Variants in CDH13 observed in about 807,000 individuals in gnomAD.
The protein encoded by CDH13 is cadherin 13.
A neutral mutation model predicts 63.8 loss-of-function variants in CDH13; 24 were observed. The observed-to-expected ratio is 0.38, with a 90% CI of 0.27 to 0.53. CDH13 has a LOEUF of 0.53. Among genes scored for constraint, CDH13 ranks in the 20% least tolerant of loss-of-function variants. The probability of loss-of-function intolerance (pLI) is 0.85; values close to 1 mark genes in which losing one functional copy is unlikely to be tolerated. For missense variants in CDH13, 1,049 were observed against 903.1 expected (o/e 1.16, Z -2.07); for synonymous variants, 503 against 355.3 (o/e 1.42, Z -4.67).
rs1475990085 is a variant in CDH13 at position 83,032,154 on chromosome 16, C to G, written c.302C>G (p.Pro101Arg). ...GKTLFVHART[P>R]HAEDMAELVI... ...ACTCTGTTCGTCCATGCACGGACCC[C>G]CCATGCGGAAGATATGGCAGAACTC... is the stretch of plus-strand genomic sequence containing the variant. Residue 101 changes from proline (P) to arginine (R), a missense_variant, in exon 3 of 14, where the codon CCC becomes CGC. Transcript: ENST00000567109. The G allele has an allele frequency of 6.2e-7, 1 of 1,613,704 alleles. No homozygotes were observed. The highest frequency in any genetic ancestry group is 1.1e-5 in the South Asian group (1 of 91,064).
chr16:83,249,113 C>G (rs1303089192), intron 5 of CDH13, among the ~76,000 whole-genome samples: 2 of 152,334 alleles, frequency 1.3e-5, no homozygotes, highest in Middle Eastern at 3.4e-3. Flanking sequence ...CAACTTTTCT[C>G]TGCTGGACCT....
At chr16:82,667,422 T>C (rs1319219152) in intron 1 of CDH13, among the ~76,000 whole-genome samples, 1 of 152,162 alleles carries the variant, frequency 6.6e-6, no homozygotes, top group African/African-American at 2.4e-5. Context: ...CACCAGGATG[T>C]GGTGTGGGGA....
chr16:83,181,260 C>T (rs774058152), intron 4 of CDH13, among the ~76,000 whole-genome samples: 19 of 152,158 alleles, frequency 1.2e-4, no homozygotes, highest in Admixed American at 1.1e-3. Flanking sequence ...TTAATTGCAA[C>T]GTGTCCCAAC....
intron 6 of CDH13, among the ~76,000 whole-genome samples, chr16:83,391,494 G>A (rs539899363): frequency 1.3e-5 from 2 of 152,194 alleles, no homozygotes; most frequent in East Asian, 1.9e-4. Flanking sequence ...ATGAGCCACC[G>A]TGCCAGCCAC....
At chr16:83,403,455 C>G (rs1006651836) in intron 6 of CDH13, among the ~76,000 whole-genome samples, 2 of 152,050 alleles carry the variant, frequency 1.3e-5, no homozygotes. Context: ...AACCCCATCT[C>G]TACTAAAAAC....
intron 10 of CDH13, among the ~76,000 whole-genome samples, chr16:83,698,284 C>G (rs954666799): frequency 6.6e-6 from 1 of 152,180 alleles, no homozygotes; most frequent in African/African-American, 2.4e-5. Context: ...ATAAAGAGTG[C>G]AAATGAATGC....
chr16:82,929,683 A>G lies in CDH13; in HGVS notation c.157+71210A>G, dbSNP rs1411077130. Among the ~76,000 whole-genome samples, 4 of 142,082 alleles carry G rather than the reference A, an allele frequency of 2.8e-5. No homozygotes were observed. The South Asian group carries it at 6.7e-4, about 24-fold the overall frequency. 93.2% of individuals were successfully genotyped at this position (142,082 alleles called of 152,430 possible). Reference sequence around the variant, plus strand: ...AAAAAAAAAAAAAAAAAAAAAAAAAAGAAGACAGCCGTTGATGAACCTGAA... The same window carrying G: ...AAAAAAAAAAAAAAAAAAAAAAAAAGGAAGACAGCCGTTGATGAACCTGAA... On this transcript the variant is annotated intron_variant, in intron 2 of 13. Transcript: ENST00000567109.
At chr16:83,604,961 T>G (rs1464339213) in intron 8 of CDH13, among the ~76,000 whole-genome samples, 1 of 152,202 alleles carries the variant, frequency 6.6e-6, no homozygotes, top group African/African-American at 2.4e-5. Context: ...AAGGAATAAT[T>G]TAACATGGAC....
At chr16:82,713,682 T>C (rs2032131785) in intron 1 of CDH13, among the ~76,000 whole-genome samples, 2 of 152,218 alleles carry the variant, frequency 1.3e-5, no homozygotes, top group South Asian at 2.1e-4. Flanking sequence ...AGCAAATGCA[T>C]ACCAGAAAAA....
chr16:83,616,675 A>G (rs1909310447), intron 8 of CDH13, among the ~76,000 whole-genome samples: 1 of 152,220 alleles, frequency 6.6e-6, no homozygotes, highest in African/African-American at 2.4e-5. Flanking sequence ...CAGAATGAGA[A>G]CACAGGAGTT....
intron 7 of CDH13, among the ~76,000 whole-genome samples, chr16:83,545,997 A>C (rs1402092293): frequency 1.3e-5 from 2 of 152,206 alleles, no homozygotes; most frequent in African/African-American, 2.4e-5. Flanking sequence ...AACCAATATG[A>C]AGTAAAACAT....
chr16:83,005,723 C>A (rs1318550069), intron 2 of CDH13, among the ~76,000 whole-genome samples: 1 of 152,234 alleles, frequency 6.6e-6, no homozygotes, highest in South Asian at 2.1e-4. Context: ...CTGACTCCAA[C>A]AAGAGAGCTA....
chr16:83,554,622 TG>T (rs1440624559), intron 7 of CDH13, among the ~76,000 whole-genome samples: 1 of 151,982 alleles, frequency 6.6e-6, no homozygotes, highest in African/African-American at 2.4e-5. Context: ...TAACAAAAAC[TG>T]TCACAAAAGA....
At chr16:83,444,051 TGA>T (rs2072587088) in intron 6 of CDH13, among the ~76,000 whole-genome samples, 1 of 150,326 alleles carries the variant, frequency 6.7e-6, no homozygotes, top group Non-Finnish European at 1.5e-5. Flanking sequence ...GATGATGGGC[TGA>T]TGATGACTGT....
intron 2 of CDH13, among the ~76,000 whole-genome samples, chr16:82,913,942 C>G (rs1334677202): frequency 1.3e-5 from 2 of 152,002 alleles, no homozygotes; most frequent in African/African-American, 4.8e-5. Context: ...TACTGAGAGG[C>G]AGGAGATGTA....
intron 8 of CDH13, among the ~76,000 whole-genome samples, chr16:83,647,333 T>A (rs1275314334): frequency 1.3e-5 from 2 of 148,872 alleles, no homozygotes; most frequent in South Asian, 2.1e-4. Flanking sequence ...AAAAAAAAAA[T>A]TACACTAGCA....
chr16:82,892,160 T>C (rs918218756), intron 2 of CDH13, among the ~76,000 whole-genome samples: 6 of 152,206 alleles, frequency 3.9e-5, no homozygotes, highest in African/African-American at 1.4e-4. Flanking sequence ...TTTCCTCATA[T>C]GTGAAATGAA....
chr16:82,741,866 T>A (rs1275331558), intron 1 of CDH13, among the ~76,000 whole-genome samples: 1 of 152,196 alleles, frequency 6.6e-6, no homozygotes, highest in Non-Finnish European at 1.5e-5. Flanking sequence ...TTTCAGGGAT[T>A]TTTATCATTT....
chr16:83,220,578 A>AT (rs1398342221), intron 5 of CDH13, among the ~76,000 whole-genome samples: 1 of 151,726 alleles, frequency 6.6e-6, no homozygotes, highest in Non-Finnish European at 1.5e-5. Flanking sequence ...CGTTGTGCAC[A>AT]TGTACCATAG....
Sources: gnomAD v4.1 joint callset for allele counts (sites outside exome capture counted in the v4.1 genomes callset) on GRCh38, gnomAD v4.1.1 for gene constraint, MANE v1.5 for transcripts, NCBI Gene and HGNC (gene_info 2026-07-23, HGNC 2026-07-21) for gene names.